The following C1orf87 variants were observed in gnomAD, a reference collection of about 807,000 sequenced individuals.
The protein encoded by C1orf87 is chromosome 1 open reading frame 87, also known as uncharacterized protein C1orf87.
A neutral mutation model predicts 60.5 loss-of-function variants in C1orf87; 58 were observed. The observed-to-expected ratio is 0.96, with a 90% CI of 0.78 to 1.19. The LOEUF is 1.19. Among genes scored for constraint, C1orf87 ranks in the 50% most tolerant of loss-of-function variants. The pLI, the probability that C1orf87 is intolerant of heterozygous loss-of-function variation, is 0.00. For synonymous variants in C1orf87, 236 were observed against 227.4 expected (o/e 1.04, Z -0.34); for missense variants, 673 against 638.6 (o/e 1.05, Z -0.58).
intron 8 of C1orf87, among the ~76,000 whole-genome samples, chr1:60,011,571 G>A (rs1241096204): frequency 6.6e-6 from 1 of 151,820 alleles, no homozygotes; most frequent in African/African-American, 2.4e-5. Flanking sequence ...ACTTGTGTTA[G>A]CAAAAGACAG....
Position 60,040,997 on chromosome 1 carries a change from T to C in C1orf87, c.477A>G (p.Gln159=). ...LEQMVRGSSD[Q]PEDIGQSPSG... is the part of the protein sequence containing the mutation. ...CAACTCTTAGTATACACACCTCAGG[T>C]TGGTCAGAGCTGCCTCTCACCATCT... Residue 159 remains glutamine (Q), a synonymous_variant, in exon 4 of 12, where the codon CAA becomes CAG. Coordinates refer to ENST00000371201, the MANE Select transcript of C1orf87 (RefSeq NM_152377.3). 6.2e-7 allele frequency: 1 copy of C among 1,608,406 alleles called. No individual in the cohort carries two copies. Among genetic ancestry groups the C allele is most frequent in the Non-Finnish European group, 8.5e-7 (1 of 1,176,596 alleles).
intron 6 of C1orf87, among the ~76,000 whole-genome samples, chr1:60,036,675 G>T (rs1645279503): frequency 6.6e-6 from 1 of 152,134 alleles, no homozygotes; most frequent in Non-Finnish European, 1.5e-5. Flanking sequence ...AAAGACAATA[G>T]TTGAGGCCAG....
chr1:60,031,115 AAAACAACCCCCAC>A (rs1156578762), intron 7 of C1orf87, among the ~76,000 whole-genome samples: 2 of 152,140 alleles, frequency 1.3e-5, no homozygotes, highest in African/African-American at 4.8e-5. Flanking sequence ...GCTACTTGTC[AAAACAACCCCCAC>A]AAAAAACCCC....
chr1:60,065,975 A>G (rs779663757), intron 2 of C1orf87, among the ~76,000 whole-genome samples: 1 of 152,196 alleles, frequency 6.6e-6, no homozygotes, highest in Admixed American at 6.5e-5. Flanking sequence ...TATTTACACT[A>G]TACTGTAGTC....
intron 9 of C1orf87, among the ~76,000 whole-genome samples, chr1:60,005,836 C>G (rs1330303155): frequency 7.1e-6 from 1 of 141,760 alleles, no homozygotes; most frequent in African/African-American, 2.7e-5. Flanking sequence ...TGGTGATTCT[C>G]TCCTTCATTA....
chr1:60,060,428 T>C (rs1557479955), intron 2 of C1orf87, among the ~76,000 whole-genome samples: 1 of 152,206 alleles, frequency 6.6e-6, no homozygotes, highest in Non-Finnish European at 1.5e-5. Flanking sequence ...ATAGTAATTT[T>C]ATGTTAATCA....
intron 8 of C1orf87, among the ~76,000 whole-genome samples, chr1:60,014,101 T>G (rs1645108890): frequency 6.6e-6 from 1 of 152,110 alleles, no homozygotes. Context: ...TCATTCTTGA[T>G]AGTTGAGCTC....
At chr1:60,061,573 T>C (rs1230634152) in intron 2 of C1orf87, among the ~76,000 whole-genome samples, 3 of 151,812 alleles carry the variant, frequency 2.0e-5, no homozygotes, top group Admixed American at 2.0e-4. Flanking sequence ...GCTGGAGATG[T>C]TTCTTTTGCA....
At chr1:60,035,330 G>A (rs1455899101) in intron 6 of C1orf87, among the ~76,000 whole-genome samples, 1 of 152,184 alleles carries the variant, frequency 6.6e-6, no homozygotes, top group Admixed American at 6.5e-5. Context: ...CTGAGTACTG[G>A]ATGGGCAGGT....
intron 11 of C1orf87, among the ~76,000 whole-genome samples, chr1:59,992,998 G>T (rs1445334864): frequency 6.6e-6 from 1 of 152,112 alleles, no homozygotes; most frequent in Admixed American, 6.5e-5. Context: ...TCTCAGTCCT[G>T]TCTAGCTTTG....
At chr1:60,031,981 A>AACACACAC (rs56139918) in intron 7 of C1orf87, among the ~76,000 whole-genome samples, 4 of 149,374 alleles carry the variant, frequency 2.7e-5, no homozygotes, top group African/African-American at 7.4e-5. Flanking sequence ...ATAATATTCA[A>AACACACAC]ACACACACAC....
intron 7 of C1orf87, among the ~76,000 whole-genome samples, chr1:60,030,965 A>G (rs866689866): frequency 6.6e-6 from 1 of 152,200 alleles, no homozygotes; most frequent in South Asian, 2.1e-4. Context: ...CTATCTTGGA[A>G]GTTATAGATT....
At chr1:60,044,017 TTTTG>T (rs1179360201) in intron 3 of C1orf87, among the ~76,000 whole-genome samples, 6 of 152,088 alleles carry the variant, frequency 3.9e-5, no homozygotes, top group African/African-American at 7.2e-5. Context: ...GGCTGAGTCT[TTTTG>T]TTTGTTTGTT....
chr1:60,012,832 C>A (rs527554096), intron 8 of C1orf87, among the ~76,000 whole-genome samples: 2 of 152,228 alleles, frequency 1.3e-5, no homozygotes, highest in South Asian at 4.1e-4. Context: ...GCACATGGAT[C>A]AATGGGACAG....
In C1orf87 at chr1:59,995,306, C is replaced by T. The variant is rs553176196; in HGVS notation, c.1480+2303G>A. On this transcript the variant is annotated intron_variant, in intron 11 of 11. Transcript: ENST00000371201. ...CTCTCATAGCCCTGTTGTGAATACCCAGACTCAGGGTTATTTCAATAATCT... is the reference window on the plus strand; with the variant it reads ...CTCTCATAGCCCTGTTGTGAATACCTAGACTCAGGGTTATTTCAATAATCT... Among the ~76,000 whole-genome samples, 3 of 152,246 alleles carry T rather than the reference C, an allele frequency of 2.0e-5. No homozygotes were observed. The East Asian group carries it at 5.8e-4, about 29-fold the overall frequency.
At chr1:60,028,222 TA>T (rs1645213339) in intron 7 of C1orf87, among the ~76,000 whole-genome samples, 3 of 152,230 alleles carry the variant, frequency 2.0e-5, no homozygotes, top group Admixed American at 2.0e-4. Flanking sequence ...CATATTGATG[TA>T]TTTTTAAATA....
intron 7 of C1orf87, among the ~76,000 whole-genome samples, chr1:60,031,874 T>G (rs1322440408): frequency 6.6e-6 from 1 of 152,206 alleles, no homozygotes; most frequent in African/African-American, 2.4e-5. Flanking sequence ...AGAGTCTATT[T>G]CTGTAGATCT....
intron 11 of C1orf87, among the ~76,000 whole-genome samples, chr1:59,991,971 G>T (rs1056027049): frequency 2.6e-5 from 4 of 152,042 alleles, no homozygotes; most frequent in Non-Finnish European, 4.4e-5. Context: ...TCTGTCCCGT[G>T]GGGGAGAGAA....
At chr1:60,047,625 G>A (rs931874194) in intron 3 of C1orf87, among the ~76,000 whole-genome samples, 1 of 151,800 alleles carries the variant, frequency 6.6e-6, no homozygotes, top group Non-Finnish European at 1.5e-5. Context: ...TTTTTAAAAA[G>A]AGTTCATACT....
Sources: allele counts gnomAD v4.1 joint callset (sites outside exome capture counted in the v4.1 genomes callset), GRCh38; gene constraint gnomAD v4.1.1; transcripts MANE v1.5; gene names NCBI Gene and HGNC (gene_info 2026-07-23, HGNC 2026-07-21).